The following LRP12 variants were observed in gnomAD, a reference collection of about 807,000 sequenced individuals.
The protein encoded by LRP12 is LDL receptor related protein 12.
Under a neutral mutation model 66.0 loss-of-function variants are expected in LRP12, and 14 were observed. That is an observed-to-expected ratio of 0.21 (90% CI 0.14 to 0.33). The LOEUF is 0.33. LRP12 is among the 10% of genes least tolerant of loss of function. The probability of loss-of-function intolerance (pLI) is 1.00; values close to 1 mark genes in which losing one functional copy is unlikely to be tolerated. For synonymous variants in LRP12, 357 were observed against 359.1 expected, an observed-to-expected ratio of 0.99 and a Z score of 0.07; for missense variants, 889 against 1,053.4, an observed-to-expected ratio of 0.84 and a Z score of 2.16.
chr8:104,579,168 A>G (rs926830548), intron 1 of LRP12, among the ~76,000 whole-genome samples: 2 of 152,206 alleles, frequency 1.3e-5, no homozygotes, highest in African/African-American at 4.8e-5. Context: ...ACATGATCCT[A>G]TATGTAGAAA....
intron 1 of LRP12, among the ~76,000 whole-genome samples, chr8:104,547,399 CAATTCTGTTATATTTTGTATAT>C (rs1440078011): frequency 6.2e-5 from 8 of 128,226 alleles, no homozygotes; most frequent in Non-Finnish European, 1.3e-4. Flanking sequence ...ATATAATATA[CAATTCTGTTATATTTTGTATAT>C]AATATACAAT....
intron 2 of LRP12, among the ~76,000 whole-genome samples, chr8:104,528,906 A>G (rs894730661): frequency 2.0e-5 from 3 of 152,354 alleles, no homozygotes; most frequent in African/African-American, 2.4e-5. Flanking sequence ...TCATTCTGTT[A>G]GAAAGATTTT....
chr8:104,558,326 A>G (rs1290373482), intron 1 of LRP12, among the ~76,000 whole-genome samples: 1 of 152,216 alleles, frequency 6.6e-6, no homozygotes, highest in African/African-American at 2.4e-5. Flanking sequence ...ATCTTTGACA[A>G]AGCAAACAAA....
chr8:104,539,238 AATGGC>A (rs1811429933), intron 1 of LRP12, among the ~76,000 whole-genome samples: 2 of 152,182 alleles, frequency 1.3e-5, no homozygotes. Flanking sequence ...TTCCTAAGAT[AATGGC>A]ATGGCACTTA....
intron 1 of LRP12, 78 bp downstream of exon 1, chr8:104,588,741 C>A (rs1325877689): frequency 7.7e-7 from 1 of 1,299,344 alleles, no homozygotes; most frequent in Non-Finnish European, 1.1e-6. Flanking sequence ...TCCAGGGGAA[C>A]CCCCGTCCTG....
chr8:104,525,622 T>C (rs1200795857), intron 2 of LRP12, among the ~76,000 whole-genome samples: 1 of 150,632 alleles, frequency 6.6e-6, no homozygotes, highest in Non-Finnish European at 1.5e-5. Flanking sequence ...CTAGGCTTTT[T>C]ACAAATTCAT....
At chr8:104,533,808 A>C (rs1288140392) in intron 1 of LRP12, among the ~76,000 whole-genome samples, 1 of 151,972 alleles carries the variant, frequency 6.6e-6, no homozygotes, top group Non-Finnish European at 1.5e-5. Context: ...GTACTATCAC[A>C]CCCAGTTTAG....
intron 1 of LRP12, among the ~76,000 whole-genome samples, chr8:104,538,788 T>G (rs1414151759): frequency 6.6e-6 from 1 of 152,208 alleles, no homozygotes; most frequent in Non-Finnish European, 1.5e-5. Context: ...ATTAGCCACA[T>G]GTAGCTATTA....
At chr8:104,492,539 C>G (rs982763708) in intron 6 of LRP12, among the ~76,000 whole-genome samples, 1 of 152,194 alleles carries the variant, frequency 6.6e-6, no homozygotes, top group Non-Finnish European at 1.5e-5. Context: ...ATGATACCAT[C>G]TCCTGCCAAA....
rs1177378885 is a variant in LRP12, at chr8:104,531,255, TCTC to T, written c.136+649_136+651del. 1.3e-5 allele frequency among the ~76,000 whole-genome samples: 2 copies of T among 152,140 alleles called. 1 individual carries two copies. Among genetic ancestry groups the T allele is most frequent in the African/African-American group, 4.8e-5 (2 of 41,428 alleles). ...TATATGCAAAAATAAATATTTTAGT[TCTC>T]CTAGTAACTGTGGTTGACAGCAAAA... On this transcript the variant is annotated intron_variant, in intron 2 of 6. Transcript: ENST00000276654.
Position 104,589,072 on chromosome 8 carries a change from G to GCTCCCTC in LRP12, c.-182_-176dup, listed in dbSNP as rs918764738. On this transcript the variant is annotated 5_prime_UTR_variant, in exon 1 of 7. Coordinates refer to ENST00000276654, the MANE Select transcript of LRP12 (RefSeq NM_013437.5). ...GGAGGGGCCGCCGCCGCCCGCGCGC[G>GCTCCCTC]CTCCCTCCTCCCTCCTCCCTCCGGC... is the stretch of plus-strand genomic sequence containing the variant. 1.1e-4 allele frequency: 33 copies of GCTCCCTC among 297,854 alleles called. No homozygotes were observed. Among genetic ancestry groups the GCTCCCTC allele is most frequent in the East Asian group, 5.8e-4 (8 of 13,882 alleles). The allele number at this position is 297,854 out of a possible 1,614,324, so 18.5% of individuals were successfully genotyped here.
chr8:104,574,218 C>T (rs749166994), intron 1 of LRP12, among the ~76,000 whole-genome samples: 25 of 152,016 alleles, frequency 1.6e-4, no homozygotes, highest in Non-Finnish European at 3.1e-4. Flanking sequence ...ATGTTATTTA[C>T]GGTAATATGT....
intron 2 of LRP12, among the ~76,000 whole-genome samples, chr8:104,525,769 C>T (rs976141224): frequency 6.6e-6 from 1 of 152,070 alleles, no homozygotes; most frequent in African/African-American, 2.4e-5. Context: ...TGAAAACTGG[C>T]ACAAGACAGG....
chr8:104,529,289 C>A (rs1016667624), intron 2 of LRP12, among the ~76,000 whole-genome samples: 3 of 152,116 alleles, frequency 2.0e-5, no homozygotes, highest in African/African-American at 7.2e-5. Context: ...AAGAAACCAA[C>A]CCTGCTGACA....
chr8:104,580,915 G>A (rs1369980695), intron 1 of LRP12, among the ~76,000 whole-genome samples: 1 of 152,154 alleles, frequency 6.6e-6, no homozygotes, highest in Non-Finnish European at 1.5e-5. Flanking sequence ...CATTGACCCA[G>A]CAATCCCATT....
intron 1 of LRP12, among the ~76,000 whole-genome samples, chr8:104,580,340 C>A (rs1290242874): frequency 6.7e-6 from 1 of 148,160 alleles, no homozygotes; most frequent in African/African-American, 2.5e-5. Context: ...CACAGTGAAA[C>A]CCTGTCTCTA....
At chr8:104,547,804 T>C (rs939815263) in intron 1 of LRP12, among the ~76,000 whole-genome samples, 5 of 128,252 alleles carry the variant, frequency 3.9e-5, no homozygotes, top group African/African-American at 1.2e-4. Context: ...TTATATATTA[T>C]ATATAATTCT....
chr8:104,580,320 T>C (rs1472560748), intron 1 of LRP12, among the ~76,000 whole-genome samples: 1 of 138,144 alleles, frequency 7.2e-6, no homozygotes, highest in Admixed American at 7.7e-5. Context: ...ATTGAGACCA[T>C]CAGGACTAAC....
At chr8:104,508,774 G>A (rs1810945501) in intron 3 of LRP12, 165 bp downstream of exon 3, 7 of 564,038 alleles carry the variant, frequency 1.2e-5, no homozygotes, top group African/African-American at 1.9e-5. Context: ...TACCAGATGG[G>A]CTGTTACTCT....
Sources: gnomAD v4.1 joint callset for allele counts (sites outside exome capture counted in the v4.1 genomes callset) on GRCh38, gnomAD v4.1.1 for gene constraint, MANE v1.5 for transcripts, NCBI Gene and HGNC (gene_info 2026-07-23, HGNC 2026-07-21) for gene names.